FZR1: variants seen among roughly 807,000 people sequenced by gnomAD.
FZR1 encodes fizzy-related protein homolog.
A neutral mutation model predicts 63.6 loss-of-function variants in FZR1; 11 were observed. The ratio of observed to expected loss-of-function variants is 0.17; its 90% CI spans 0.11 to 0.29. FZR1 has a LOEUF of 0.29. FZR1 is among the 10% of genes least tolerant of loss of function. The pLI is 1.00. For missense variants in FZR1, 440 were observed against 687.5 expected (o/e 0.64, Z 4.03); for synonymous variants, 328 against 297.9 (o/e 1.10, Z -1.04).
At chr19:3,532,291 G>T (rs953844645) in intron 10 of FZR1, 126 bp from the exon 11 acceptor site, 4 of 852,988 alleles carry the variant, frequency 4.7e-6, no homozygotes, top group Non-Finnish European at 5.3e-6. Context: ...TGCCCCCAGG[G>T]GTCCTTGAGG....
chr19:3,535,170 TTCA>T lies in FZR1; in HGVS notation c.*338_*340del, dbSNP rs1391549189. 4 of 390,182 alleles carry T rather than the reference TTCA, an allele frequency of 1.0e-5. No individual in the cohort carries two copies. The highest frequency in any genetic ancestry group is 3.8e-5 in the Admixed American group (1 of 26,114). 24.2% of individuals were successfully genotyped at this position (390,182 alleles called of 1,614,324 possible). A position where few individuals can be genotyped will look rare whatever the true frequency, so the allele number is the denominator to read the frequency against. On this transcript the variant is annotated 3_prime_UTR_variant, in exon 14 of 14. Transcript: ENST00000441788. Reference sequence around the variant, plus strand: ...CTGGGACCCTCACTGCCTCCGTCTGTTCATCACCTGCCCACCGGAGCCGCATGC... The same window carrying T: ...CTGGGACCCTCACTGCCTCCGTCTGTTCACCTGCCCACCGGAGCCGCATGC...
rs2083150478 is a variant in FZR1, at chr19:3,525,780, A to G, written c.70-88A>G. On this transcript the variant is annotated intron_variant, in intron 2 of 13. Transcript: ENST00000441788. The surrounding 1 kb of genome is among the most constrained non-coding windows in gnomAD (Gnocchi z 4.2). ...TTCAAGATCAAAGCCCCCTTTGCTC[A>G]GTGGCCAGAGGCTGAGAGAGGCTGG... The G allele has an allele frequency of 4.7e-6, 7 of 1,484,142 alleles. No homozygotes were observed. The African/African-American group carries it at 8.4e-5, about 18-fold the overall frequency. The allele number at this position is 1,484,142 out of a possible 1,614,324, so 91.9% of individuals were successfully genotyped here. A position where few individuals can be genotyped will look rare whatever the true frequency, so the allele number is the denominator to read the frequency against.
intron 8 of FZR1, 46 bp from the exon 9 acceptor site, chr19:3,531,668 C>T (rs371441634): frequency 2.0e-5 from 28 of 1,375,722 alleles, no homozygotes; most frequent in Middle Eastern, 2.1e-4. Context: ...GCACAGTCCC[C>T]GGGCCAGACC....
At chr19:3,509,489 T>C (rs1005152866) in intron 1 of FZR1, among the ~76,000 whole-genome samples, 4 of 152,234 alleles carry the variant, frequency 2.6e-5, no homozygotes, top group African/African-American at 9.6e-5. Flanking sequence ...TTGGATACAC[T>C]TCTCCTGCCG....
intron 1 of FZR1, among the ~76,000 whole-genome samples, chr19:3,511,104 C>G (rs2083021546): frequency 6.6e-6 from 1 of 152,258 alleles, no homozygotes; most frequent in African/African-American, 2.4e-5. Flanking sequence ...AGGCGTGGTG[C>G]CACGCTGCCT....
rs1160488216 is a variant in FZR1 at position 3,526,098 on chromosome 19, C to T, written c.196-22C>T. On this transcript the variant is annotated intron_variant, in intron 3 of 13. Coordinates refer to ENST00000441788, the MANE Select transcript of FZR1 (RefSeq NM_016263.4). This position sits in a 1 kb window ranked among gnomAD's most constrained non-coding sequence, Gnocchi z 5.4. ...AACAAGCGGGCTCCTCGACCCCTCC[C>T]TCTCTGCTCTCCTGCCTGCAGGAGA... The T allele has an allele frequency of 5.0e-6, 8 of 1,612,496 alleles. No homozygotes were observed. Among genetic ancestry groups the T allele is most frequent in the Non-Finnish European group, 5.9e-6 (7 of 1,179,766 alleles).
chr19:3,524,527 C>T (rs897148396), intron 2 of FZR1, among the ~76,000 whole-genome samples: 2 of 152,244 alleles, frequency 1.3e-5, no homozygotes, highest in Non-Finnish European at 2.9e-5. Context: ...GACTGCGTCA[C>T]AGGCTGGGGG....
At chr19:3,520,407 TG>T (rs2083091260) in intron 1 of FZR1, among the ~76,000 whole-genome samples, 1 of 152,214 alleles carries the variant, frequency 6.6e-6, no homozygotes, top group African/African-American at 2.4e-5. Flanking sequence ...CCATGTGCTT[TG>T]GGCTGAGCCA....
At chr19:3,534,173 T>C (rs2083274253) in intron 12 of FZR1, 1 of 392,538 alleles carries the variant, frequency 2.5e-6, no homozygotes, top group Admixed American at 4.4e-5. Context: ...TAAGCCAGGA[T>C]TGCCCCACTG....
chr19:3,530,019 T>TGGATGGGAGAGTGGATGGGTGAGC (rs2083223444), intron 7 of FZR1, among the ~76,000 whole-genome samples: 1 of 96,586 alleles, frequency 1.0e-5, no homozygotes, highest in East Asian at 3.0e-4. Flanking sequence ...GATGGGTGAG[T>TGGATGGGAGAGTGGATGGGTGAGC]GGATGGGAGA....
chr19:3,525,899 C>T lies in FZR1; in HGVS notation c.101C>T (p.Ala34Val), dbSNP rs765125004. The change falls in exon 3 of 14, where the codon GCC becomes GTC. Residue 34 changes from alanine (A) to valine (V), a missense_variant. Ala to Val is a moderately conservative substitution (Grantham distance 64, BLOSUM62 0). Coordinates refer to ENST00000441788, the MANE Select transcript of FZR1 (RefSeq NM_016263.4). The surrounding 1 kb of genome is among the most constrained non-coding windows in gnomAD (Gnocchi z 4.2). Reference sequence around the variant, plus strand: ...GAGATGCGGCGGACCCTGACGCCTGCCAGCTCCCCAGTGTCCTCGCCCAGC... The same window carrying T: ...GAGATGCGGCGGACCCTGACGCCTGTCAGCTCCCCAGTGTCCTCGCCCAGC... ...VTEMRRTLTP[A>V]SSPVSSPSKH... 17 of 1,612,086 alleles carry T rather than the reference C, an allele frequency of 1.1e-5. No individual in the cohort carries two copies. Among genetic ancestry groups the T allele is most frequent in the Non-Finnish European group, 1.2e-5 (14 of 1,179,902 alleles).
chr19:3,515,297 T>C lies in FZR1; in HGVS notation c.-34-7659T>C, dbSNP rs375895932. Among the ~76,000 whole-genome samples, 15 of 152,244 alleles carry C rather than the reference T, an allele frequency of 9.9e-5. No individual in the cohort carries two copies. Among genetic ancestry groups the C allele is most frequent in the African/African-American group, 3.6e-4 (15 of 41,466 alleles). The stretch of plus-strand genomic sequence containing the variant: ...CACGTTGTCTGTGCTCAGGAATTAC[T>C]TAACAGCAGCTTAAGATCCTGATTT... On this transcript the variant is annotated intron_variant, in intron 1 of 13. Coordinates refer to ENST00000441788, the MANE Select transcript of FZR1 (RefSeq NM_016263.4). The surrounding 1 kb of genome is among the most constrained non-coding windows in gnomAD (Gnocchi z 4.6).
Position 3,532,485 on chromosome 19 carries a change from G to A in FZR1, c.1077G>A (p.Lys359=). The A allele has an allele frequency of 6.2e-7, 1 of 1,605,088 alleles. No individual in the cohort carries two copies. Among genetic ancestry groups the A allele is most frequent in the Non-Finnish European group, 8.5e-7 (1 of 1,174,666 alleles). The change falls in exon 11 of 14, where the codon AAG becomes AAA. Residue 359 remains lysine (K), a synonymous_variant. Coordinates refer to ENST00000441788, the MANE Select transcript of FZR1 (RefSeq NM_016263.4). ...QQYTEHLAAV[K]AIAWSPHQHG... The stretch of plus-strand genomic sequence containing the variant: ...ACACGGAGCACCTGGCGGCCGTGAA[G>A]GCCATCGCCTGGTCCCCACATCAGC...
At position 3,525,904 on chromosome 19, in the gene FZR1, TC is replaced by T; in HGVS notation, c.110del (p.Pro37GlnfsTer23). ...EMRRTLTPAS[S>X]PVSSPSKHGD... ...GCGGCGGACCCTGACGCCTGCCAGC[TC>T]CCCAGTGTCCTCGCCCAGCAAGCAC... On this transcript the variant is annotated frameshift_variant, in exon 3 of 14. Coordinates refer to ENST00000441788, the MANE Select transcript of FZR1 (RefSeq NM_016263.4). LOFTEE classifies it high-confidence loss of function. This position sits in a 1 kb window ranked among gnomAD's most constrained non-coding sequence, Gnocchi z 4.2. 1 of 1,612,058 alleles carries T rather than the reference TC, an allele frequency of 6.2e-7. No individual in the cohort carries two copies.
intron 7 of FZR1, among the ~76,000 whole-genome samples, chr19:3,528,808 T>G: frequency 8.5e-6 from 1 of 117,400 alleles, no homozygotes; most frequent in African/African-American, 3.5e-5. Flanking sequence ...GATGGGTACG[T>G]GGATGGGTGA....
rs1045456705 is a variant in FZR1, at chr19:3,533,873, G to A, written c.1347+475G>A. ...CCGCGCATCTGACAGTCCCTCATCT[G>A]TGCAGAGTTGATGAGCCCCTCTTGC... On this transcript the variant is annotated intron_variant, in intron 12 of 13. Coordinates refer to ENST00000441788, the MANE Select transcript of FZR1 (RefSeq NM_016263.4). This position sits in a 1 kb window ranked among gnomAD's most constrained non-coding sequence, Gnocchi z 4.9. 2 of 167,612 alleles carry A rather than the reference G, an allele frequency of 1.2e-5. No individual in the cohort carries two copies. The highest frequency in any genetic ancestry group is 2.6e-5 in the Non-Finnish European group (2 of 78,322). 10.4% of individuals were successfully genotyped at this position (167,612 alleles called of 1,614,324 possible).
intron 1 of FZR1, among the ~76,000 whole-genome samples, chr19:3,507,764 C>T (rs1293023367): frequency 6.6e-6 from 1 of 152,230 alleles, no homozygotes; most frequent in East Asian, 1.9e-4. Context: ...GGTTTGGTCC[C>T]CGGAGTGGAT....
At chr19:3,517,549 G>A (rs2083067587) in intron 1 of FZR1, among the ~76,000 whole-genome samples, 1 of 151,970 alleles carries the variant, frequency 6.6e-6, no homozygotes, top group African/African-American at 2.4e-5. Context: ...ATAGCTGGGT[G>A]TGGTGGTGAG....
At chr19:3,532,717 C>A in intron 11 of FZR1, 67 bp downstream of exon 11, 1 of 1,052,562 alleles carries the variant, frequency 9.5e-7, no homozygotes, top group Non-Finnish European at 1.4e-6. Flanking sequence ...CCTTACCTGC[C>A]ACCTGAGAGC....
Sources: gnomAD v4.1 joint callset for allele counts (sites outside exome capture counted in the v4.1 genomes callset) on GRCh38, gnomAD v4.1.1 for gene constraint, Gnocchi (gnomAD v3.1) non-coding constraint, MANE v1.5 for transcripts, NCBI Gene and HGNC (gene_info 2026-07-23, HGNC 2026-07-21) for gene names.